The following NUP35 variants were observed in gnomAD, a reference collection of about 807,000 sequenced individuals.
The protein encoded by NUP35 is nucleoporin NUP35.
Under a neutral mutation model 41.5 loss-of-function variants are expected in NUP35, and 25 were observed. That is an observed-to-expected ratio of 0.60 (90% CI 0.44 to 0.84). The LOEUF (loss-of-function observed/expected upper bound fraction) is 0.84, where lower values mean the gene tolerates loss of function less well. NUP35 is among the 40% of genes least tolerant of loss of function. The pLI is 0.00. For synonymous variants in NUP35, 149 were observed against 130.7 expected, an observed-to-expected ratio of 1.14 and a Z score of -0.96; for missense variants, 396 against 396.6, an observed-to-expected ratio of 1.00 and a Z score of 0.01.
intron 4 of NUP35, among the ~76,000 whole-genome samples, chr2:183,148,098 A>G (rs1488007559): frequency 6.6e-6 from 1 of 152,166 alleles, no homozygotes; most frequent in Non-Finnish European, 1.5e-5. Flanking sequence ...CACTGAAGAT[A>G]CTGACTTCCA....
chr2:183,124,380 G>C (rs545335414), upstream of NUP35: 2 of 1,613,194 alleles, frequency 1.2e-6, no homozygotes, highest in Non-Finnish European at 8.5e-7. Flanking sequence ...GTAGCACGCC[G>C]TTACCCGTGG....
chr2:183,122,527 T>A (rs72892656), upstream of NUP35, among the ~76,000 whole-genome samples: 4,329 of 152,358 alleles, frequency 0.028, 90 homozygotes, highest in Non-Finnish European at 0.043. Context: ...ATTATATCTA[T>A]CACAGAGGTC....
intron 5 of NUP35, among the ~76,000 whole-genome samples, chr2:183,153,740 A>T (rs1182161250): frequency 6.6e-6 from 1 of 152,116 alleles, no homozygotes; most frequent in Non-Finnish European, 1.5e-5. Context: ...GCAAGCTGTC[A>T]GTGGATCTAC....
chr2:183,119,286 T>A (rs574534639), intron 1 of NUP35, among the ~76,000 whole-genome samples: 7 of 152,304 alleles, frequency 4.6e-5, no homozygotes, highest in African/African-American at 1.7e-4. Flanking sequence ...CTGTAACCAT[T>A]TATTTTTCAA....
At chr2:183,155,510 A>G (rs1039057092) in intron 5 of NUP35, among the ~76,000 whole-genome samples, 10 of 150,922 alleles carry the variant, frequency 6.6e-5, no homozygotes, top group African/African-American at 1.7e-4. Flanking sequence ...ATCCATAGCA[A>G]TTGGGCTGGT....
rs142047960 is a variant in NUP35 at position 183,155,776 on chromosome 2, A to G, written c.540-1668A>G. Among the ~76,000 whole-genome samples, 642 of 152,250 alleles carry G rather than the reference A, an allele frequency of 4.2e-3. 5 individuals are homozygous for G. The highest frequency in any genetic ancestry group is 0.015 in the African/African-American group (605 of 41,538). On this transcript the variant is annotated intron_variant, in intron 5 of 8. Coordinates refer to ENST00000295119, the MANE Select transcript of NUP35 (RefSeq NM_138285.5). ...GTACCCACTCTTAAATCTGTTTTTC[A>G]GGCTCAGTAGTAGTGGTTTAACTTT...
intron 7 of NUP35, 58 bp from the exon 8 acceptor site, chr2:183,159,430 A>G (rs1685787467): frequency 2.3e-6 from 3 of 1,312,034 alleles, no homozygotes; most frequent in South Asian, 2.8e-5. Flanking sequence ...GTAGGATGTA[A>G]TACTGGATGA....
At chr2:183,120,823 A>T (rs903217849), upstream of NUP35, among the ~76,000 whole-genome samples, 5 of 152,214 alleles carry the variant, frequency 3.3e-5, no homozygotes, top group Admixed American at 2.0e-4. Flanking sequence ...GGAAAGAAAA[A>T]GACAAAAGAT....
intron 4 of NUP35, among the ~76,000 whole-genome samples, chr2:183,136,804 T>A (rs1684889731): frequency 6.6e-6 from 1 of 152,168 alleles, no homozygotes; most frequent in Non-Finnish European, 1.5e-5. Context: ...TGGAGGCCTC[T>A]TTAGGCTGGG....
intron 5 of NUP35, among the ~76,000 whole-genome samples, chr2:183,153,910 TG>T (rs1322029939): frequency 1.3e-5 from 2 of 152,248 alleles, no homozygotes; most frequent in Non-Finnish European, 2.9e-5. Flanking sequence ...CAATTTTGCC[TG>T]GGCATCCAGG....
At position 183,133,658 on chromosome 2, in the gene NUP35, A is replaced by T. The variant is rs760112079; in HGVS notation, c.397+35A>T. 5.7e-6 allele frequency: 8 copies of T among 1,412,118 alleles called. No individual in the cohort carries two copies. In the Admixed American group the frequency reaches 1.3e-4, roughly 23 times the overall value. The allele number at this position is 1,412,118 out of a possible 1,614,324, so 87.5% of individuals were successfully genotyped here. A position where few individuals can be genotyped will look rare whatever the true frequency, so the allele number is the denominator to read the frequency against. Reference sequence around the variant, plus strand: ...TCTTTCTTTTTTTTTTTTTTTTTAAAAGACAGGGTCTGGCTCTGCTACCCA... The same window carrying T: ...TCTTTCTTTTTTTTTTTTTTTTTAATAGACAGGGTCTGGCTCTGCTACCCA... On this transcript the variant is annotated intron_variant, in intron 4 of 8. Coordinates refer to ENST00000295119, the MANE Select transcript of NUP35 (RefSeq NM_138285.5).
intron 4 of NUP35, among the ~76,000 whole-genome samples, chr2:183,138,269 A>ATATGTTTTTTT: frequency 1.1e-3 from 87 of 80,696 alleles, no homozygotes; most frequent in Non-Finnish European, 1.8e-3. Flanking sequence ...ATATATATAT[A>ATATGTTTTTTT]TTTTTTTTTT....
chr2:183,150,214 T>C (rs1408442129), intron 4 of NUP35, among the ~76,000 whole-genome samples: 1 of 152,248 alleles, frequency 6.6e-6, no homozygotes, highest in Non-Finnish European at 1.5e-5. Context: ...CTTAAAATGC[T>C]ACCTTTTACT....
intron 4 of NUP35, among the ~76,000 whole-genome samples, chr2:183,140,451 G>A (rs35873918): frequency 0.16 from 24,429 of 152,058 alleles, 2,300 homozygotes; most frequent in African/African-American, 0.25. Flanking sequence ...TTACTCTCAT[G>A]TCAGATTAAC....
At chr2:183,126,850 G>T (rs978209050) in intron 1 of NUP35, among the ~76,000 whole-genome samples, 11 of 152,160 alleles carry the variant, frequency 7.2e-5, no homozygotes, top group African/African-American at 2.7e-4. Flanking sequence ...GTCACACTCA[G>T]GCTTGTCACC....
chr2:183,127,127 G>T (rs1242049049), intron 1 of NUP35, among the ~76,000 whole-genome samples: 1 of 152,018 alleles, frequency 6.6e-6, no homozygotes, highest in African/African-American at 2.4e-5. Flanking sequence ...CTGCTATTTT[G>T]CTCTGAAATT....
intron 4 of NUP35, among the ~76,000 whole-genome samples, chr2:183,150,310 G>C (rs934347306): frequency 5.3e-5 from 8 of 152,126 alleles, no homozygotes; most frequent in African/African-American, 1.9e-4. Flanking sequence ...CTTTTACAGT[G>C]GCTTTATAAG....
chr2:183,129,727 G>A (rs542963984), intron 2 of NUP35, among the ~76,000 whole-genome samples: 2 of 152,268 alleles, frequency 1.3e-5, no homozygotes, highest in South Asian at 2.1e-4. Flanking sequence ...GTGAGCGAGC[G>A]CTATAAACCT....
chr2:183,135,800 G>A (rs1317812730), intron 4 of NUP35, among the ~76,000 whole-genome samples: 1 of 152,012 alleles, frequency 6.6e-6, no homozygotes, highest in Admixed American at 6.6e-5. Flanking sequence ...GGAATTCGAG[G>A]TTGCAAGGGA....
Sources: allele counts gnomAD v4.1 joint callset (sites outside exome capture counted in the v4.1 genomes callset), GRCh38; gene constraint gnomAD v4.1.1; transcripts MANE v1.5; gene names NCBI Gene and HGNC (gene_info 2026-07-23, HGNC 2026-07-21).